The following DNAH14 variants were observed in gnomAD, a reference collection of about 807,000 sequenced individuals.
DNAH14 encodes axonemal beta dynein heavy chain 14.
A neutral mutation model predicts 520.9 loss-of-function variants in DNAH14; 478 were observed. That is an observed-to-expected ratio of 0.92 (90% CI 0.85 to 0.99). The LOEUF is 0.99. Among genes scored for constraint, DNAH14 ranks in the 50% least tolerant of loss-of-function variants. The pLI is 0.00. For synonymous variants in DNAH14, 1,581 were observed against 1,757.2 expected, an observed-to-expected ratio of 0.90 and a Z score of 2.51; for missense variants, 4,831 against 5,234.5, an observed-to-expected ratio of 0.92 and a Z score of 2.38.
intron 26 of DNAH14, among the ~76,000 whole-genome samples, chr1:225,121,905 TAA>T (rs1559024576): frequency 6.6e-6 from 1 of 151,766 alleles, no homozygotes; most frequent in Non-Finnish European, 1.5e-5. Flanking sequence ...AATTTTTTTC[TAA>T]AGAGAATGTA....
intron 41 of DNAH14, among the ~76,000 whole-genome samples, chr1:225,213,693 AT>A (rs925409066): frequency 1.3e-5 from 2 of 152,030 alleles, no homozygotes; most frequent in African/African-American, 4.8e-5. Flanking sequence ...TTTACTCATG[AT>A]TTGGCTCTCT....
intron 17 of DNAH14, among the ~76,000 whole-genome samples, chr1:225,056,613 T>G (rs906215285): frequency 1.3e-5 from 2 of 152,226 alleles, no homozygotes; most frequent in Non-Finnish European, 2.9e-5. Flanking sequence ...CCCATGCCTA[T>G]GTCCTGAATG....
intron 12 of DNAH14, among the ~76,000 whole-genome samples, chr1:225,042,496 A>G (rs913989661): frequency 6.6e-6 from 1 of 152,170 alleles, no homozygotes; most frequent in African/African-American, 2.4e-5. Context: ...TAGATGATTA[A>G]GAGTCCTGGG....
Position 225,235,210 on chromosome 1 carries a change from G to A in DNAH14, c.6518+4059G>A, listed in dbSNP as rs544371931. On this transcript the variant is annotated intron_variant, in intron 42 of 85. Coordinates refer to ENST00000682510, the MANE Select transcript of DNAH14 (RefSeq NM_001367479.1). ...TATATATGGTTCTTATTATTTTGAGGTTCCTTCAATACCTAGTTTATTGAG... is the reference window on the plus strand; with the variant it reads ...TATATATGGTTCTTATTATTTTGAGATTCCTTCAATACCTAGTTTATTGAG... 5.3e-5 allele frequency among the ~76,000 whole-genome samples: 8 copies of A among 151,496 alleles called. No individual in the cohort carries two copies. In the East Asian group the frequency reaches 1.6e-3, roughly 29 times the overall value.
intron 43 of DNAH14, among the ~76,000 whole-genome samples, chr1:225,246,193 T>G (rs1001373552): frequency 6.6e-6 from 1 of 150,474 alleles, no homozygotes; most frequent in Admixed American, 6.6e-5. Flanking sequence ...AAACTGAAAC[T>G]GGACCCCTTC....
At chr1:224,972,681 G>C (rs1178266659) in intron 7 of DNAH14, among the ~76,000 whole-genome samples, 2 of 152,118 alleles carry the variant, frequency 1.3e-5, no homozygotes, top group Non-Finnish European at 2.9e-5. Flanking sequence ...TAGCCAGGAT[G>C]GTCTCGATCT....
chr1:225,345,296 C>A (rs2095269844), intron 69 of DNAH14, among the ~76,000 whole-genome samples: 1 of 151,918 alleles, frequency 6.6e-6, no homozygotes, highest in Non-Finnish European at 1.5e-5. Flanking sequence ...TGTCCAAGGG[C>A]AAGAATCAAA....
intron 5 of DNAH14, among the ~76,000 whole-genome samples, chr1:224,967,153 A>T (rs956135551): frequency 6.6e-6 from 1 of 152,150 alleles, no homozygotes; most frequent in Non-Finnish European, 1.5e-5. Flanking sequence ...TCTTTGGATT[A>T]GTAAGCATGT....
At chr1:225,341,723 C>A (rs1305987074) in intron 69 of DNAH14, among the ~76,000 whole-genome samples, 1 of 152,138 alleles carries the variant, frequency 6.6e-6, no homozygotes, top group African/African-American at 2.4e-5. Context: ...TTTTCTTCTT[C>A]AGCACAAAAA....
At chr1:225,183,460 TAGAA>T (rs1317704634) in intron 36 of DNAH14, among the ~76,000 whole-genome samples, 3 of 152,090 alleles carry the variant, frequency 2.0e-5, no homozygotes, top group African/African-American at 7.2e-5. Context: ...ATTAAGAAAT[TAGAA>T]AGATCTCAAA....
chr1:225,355,849 C>T (rs2095423388), intron 73 of DNAH14, among the ~76,000 whole-genome samples: 2 of 152,160 alleles, frequency 1.3e-5, no homozygotes, highest in Admixed American at 1.3e-4. Context: ...ATTTCCAAAA[C>T]TTTGTCATCA....
intron 8 of DNAH14, among the ~76,000 whole-genome samples, chr1:224,975,145 T>G (rs945039736): frequency 1.3e-4 from 20 of 151,618 alleles, no homozygotes; most frequent in Admixed American, 9.9e-4. Context: ...TTATTGAGGA[T>G]TTTTGCATCA....
chr1:225,202,130 C>T (rs1323923220), intron 38 of DNAH14, among the ~76,000 whole-genome samples: 1 of 152,178 alleles, frequency 6.6e-6, no homozygotes, highest in African/African-American at 2.4e-5. Context: ...CCTGCCTTGG[C>T]CTCCCAAAGT....
At chr1:225,220,076 A>T (rs1386898321) in intron 41 of DNAH14, among the ~76,000 whole-genome samples, 1 of 152,206 alleles carries the variant, frequency 6.6e-6, no homozygotes, top group Non-Finnish European at 1.5e-5. Flanking sequence ...ATCTCAATAG[A>T]TGCAGAAAAG....
chr1:225,259,099 C>A, intron 45 of DNAH14, 22 bp from the exon 46 acceptor site: 1 of 1,534,096 alleles, frequency 6.5e-7, no homozygotes, highest in South Asian at 1.2e-5. Context: ...ATACATCTAA[C>A]CTTGTGTATT....
intron 50 of DNAH14, 102 bp from the exon 51 acceptor site, chr1:225,271,804 C>A: frequency 1.2e-6 from 1 of 828,544 alleles, no homozygotes; most frequent in Non-Finnish European, 1.8e-6. Context: ...TGAAATTAAT[C>A]CTCCATTATA....
At chr1:225,146,072 G>A (rs528280649) in intron 30 of DNAH14, among the ~76,000 whole-genome samples, 1 of 152,210 alleles carries the variant, frequency 6.6e-6, no homozygotes, top group South Asian at 2.1e-4. Context: ...TTATTTTTAA[G>A]ATACTTACCA....
intron 41 of DNAH14, among the ~76,000 whole-genome samples, chr1:225,217,841 T>C (rs1375258252): frequency 2.6e-5 from 4 of 152,164 alleles, no homozygotes; most frequent in Non-Finnish European, 4.4e-5. Flanking sequence ...CCTGATCCCT[T>C]GGGCTTCCCG....
chr1:225,370,012 C>T (rs965940392), intron 77 of DNAH14, among the ~76,000 whole-genome samples: 1 of 152,082 alleles, frequency 6.6e-6, no homozygotes, highest in African/African-American at 2.4e-5. Context: ...ATGATGAAAC[C>T]TGCACGGTGG....
Sources: allele counts gnomAD v4.1 joint callset (sites outside exome capture counted in the v4.1 genomes callset), GRCh38; gene constraint gnomAD v4.1.1; transcripts MANE v1.5; gene names NCBI Gene and HGNC (gene_info 2026-07-23, HGNC 2026-07-21).